CLDN15: variants seen among roughly 807,000 people sequenced by gnomAD.
CLDN15 encodes claudin 15.
A neutral mutation model predicts 24.5 loss-of-function variants in CLDN15; 9 were observed. The observed-to-expected ratio is 0.37, with a 90% CI of 0.22 to 0.64. The LOEUF (loss-of-function observed/expected upper bound fraction) is 0.64. Ranked by LOEUF, CLDN15 falls within the 30% of genes least tolerant of loss-of-function variation. CLDN15 has a pLI of 0.63. For missense variants in CLDN15, 248 were observed against 305.9 expected (o/e 0.81, Z 1.41); for synonymous variants, 149 against 131.4 (o/e 1.13, Z -0.92).
chr7:101,232,895 G>A lies in CLDN15; in HGVS notation c.402C>T (p.Ala134=). 6.2e-7 allele frequency: 1 copy of A among 1,613,218 alleles called. No homozygotes were observed. The highest frequency in any genetic ancestry group is 2.2e-5 in the East Asian group (1 of 44,866). Residue 134 remains alanine, a synonymous_variant, in exon 3 of 5, where the codon GCC becomes GCT. Coordinates refer to ENST00000308344, the MANE Select transcript of CLDN15 (RefSeq NM_014343.3). ...HILAGICGMV[A]ISWYAFNITR... ...TGATGTTGAAGGCGTACCAGGAGAT[G>A]GCCACCATCCCGCAGATACCTGGGG...
chr7:101,233,855 C>T (rs1375008191), intron 2 of CLDN15: 1 of 260,110 alleles, frequency 3.8e-6, no homozygotes, highest in African/African-American at 2.3e-5. Context: ...AACTCCTGAC[C>T]TCAAGTAATC....
Position 101,237,407 on chromosome 7 carries a change from C to T in CLDN15, c.175G>A (p.Val59Ile), listed in dbSNP as rs764451471. The T allele has an allele frequency of 2.9e-5, 46 of 1,613,282 alleles. No individual in the cohort carries two copies. Among genetic ancestry groups the T allele is most frequent in the East Asian group, 8.9e-5 (4 of 44,882 alleles). The change falls in exon 1 of 5, where the codon GTC becomes ATC. Residue 59 changes from valine (V) to isoleucine (I), a missense_variant. Physicochemically the swap from Val to Ile is conservative, Grantham distance 29. Coordinates refer to ENST00000308344, the MANE Select transcript of CLDN15 (RefSeq NM_014343.3). The surrounding 1 kb of genome is among the most constrained non-coding windows in gnomAD (Gnocchi z 4.0). The stretch of plus-strand genomic sequence containing the variant: ...GACGGGAACTCCCAGCAGTTGTAGA[C>T]GCCCAGGGAGTCGGTGGCACAGCTA... ...WFSCATDSLGVYNCWEFPSML... is the reference protein window; with the variant it reads ...WFSCATDSLGIYNCWEFPSML...
intron 1 of CLDN15, 61 bp from the exon 2 acceptor site, chr7:101,234,503 C>T: frequency 2.5e-6 from 3 of 1,213,706 alleles, no homozygotes; most frequent in South Asian, 1.3e-5. Flanking sequence ...GCCAGCCCAA[C>T]AGCCCCTCAC....
chr7:101,234,059 C>G (rs1468382758), intron 2 of CLDN15: 2 of 700,234 alleles, frequency 2.9e-6, no homozygotes, highest in African/African-American at 3.5e-5. Context: ...TGGCCGTGGC[C>G]AGCCCCTACT....
At position 101,237,574 on chromosome 7, in the gene CLDN15, A is replaced by C; in HGVS notation, c.8T>G (p.Met3Arg). Residue 3 changes from methionine to arginine, a missense_variant, in exon 1 of 5, where the codon ATG (methionine) becomes AGG (arginine). Transcript: ENST00000308344. The surrounding 1 kb of genome is among the most constrained non-coding windows in gnomAD (Gnocchi z 4.0). ...GAAGAAGCCAAAGGTTTCCACAGCC[A>C]TCGACATGGTGGGATGCAGGACCCT... is the stretch of plus-strand genomic sequence containing the variant. MSMAVETFGFFMA... is the reference protein window; with the variant it reads MSRAVETFGFFMA... 6.2e-7 allele frequency: 1 copy of C among 1,613,848 alleles called. No homozygotes were observed. Among genetic ancestry groups the C allele is most frequent in the Non-Finnish European group, 8.5e-7 (1 of 1,179,740 alleles).
intron 2 of CLDN15, 72 bp from the exon 3 acceptor site, chr7:101,232,986 C>A: frequency 9.4e-7 from 1 of 1,060,892 alleles, no homozygotes; most frequent in Non-Finnish European, 1.4e-6. Context: ...AGGGGAGAGG[C>A]AGGCAGGGGC....
intron 2 of CLDN15, chr7:101,233,968 C>A: frequency 1.8e-6 from 1 of 542,152 alleles, no homozygotes; most frequent in Non-Finnish European, 3.5e-6. Context: ...CCATAGCGTG[C>A]ACCCTAACTC....
At position 101,237,296 on chromosome 7, in the gene CLDN15, C is replaced by G. The variant is rs1475659576; in HGVS notation, c.217+69G>C. 2.0e-6 allele frequency: 2 copies of G among 1,025,312 alleles called. No individual in the cohort carries two copies. The highest frequency in any genetic ancestry group is 5.2e-5 in the East Asian group (2 of 38,510). 63.5% of individuals were successfully genotyped at this position (1,025,312 alleles called of 1,614,324 possible). ...GCTCCCTGCATCCTCACGGAAGTAC[C>G]CGCCCTCCCCTGGGGTCTCTGCAGC... On this transcript the variant is annotated intron_variant, in intron 1 of 4. Coordinates refer to ENST00000308344, the MANE Select transcript of CLDN15 (RefSeq NM_014343.3). This position sits in a 1 kb window ranked among gnomAD's most constrained non-coding sequence, Gnocchi z 4.0.
At chr7:101,237,878 C>T (rs1018855699), upstream of CLDN15, 14 of 425,784 alleles carry the variant, frequency 3.3e-5, no homozygotes, top group Middle Eastern at 1.4e-3. This position sits in a 1 kb window ranked among gnomAD's most constrained non-coding sequence, Gnocchi z 4.0. Flanking sequence ...CACCCCCTCC[C>T]CCCAGCCTCT....
chr7:101,233,921 G>A (rs917597834), intron 2 of CLDN15: 6 of 404,700 alleles, frequency 1.5e-5, no homozygotes, highest in Non-Finnish European at 2.9e-5. Flanking sequence ...ACCATGCCCC[G>A]TGGTATGGCA....
At chr7:101,235,255 G>A (rs1798600057) in intron 1 of CLDN15, among the ~76,000 whole-genome samples, 2 of 152,216 alleles carry the variant, frequency 1.3e-5, no homozygotes, top group African/African-American at 4.8e-5. Flanking sequence ...CTGTACAGCA[G>A]AGGGCCTAGG....
At chr7:101,236,249 A>T (rs1047458440) in intron 1 of CLDN15, among the ~76,000 whole-genome samples, 1 of 149,226 alleles carries the variant, frequency 6.7e-6, no homozygotes, top group Non-Finnish European at 1.5e-5. Context: ...CAGCTTTTAT[A>T]GGGTTTTTTT....
At chr7:101,234,610 A>G (rs1406645582) in intron 1 of CLDN15, among the ~76,000 whole-genome samples, 168 bp from the exon 2 acceptor site, 2 of 152,066 alleles carry the variant, frequency 1.3e-5, no homozygotes, top group Non-Finnish European at 2.9e-5. Context: ...TGTTTTTAGT[A>G]GAGACAGGGT....
intron 2 of CLDN15, among the ~76,000 whole-genome samples, chr7:101,233,610 AT>A (rs34812545): frequency 0.35 from 52,231 of 148,952 alleles, 9,930 homozygotes; most frequent in African/African-American, 0.52. Flanking sequence ...TGCCTTGGCC[AT>A]TTTTTTTTTG....
intron 2 of CLDN15, chr7:101,234,074 G>C (rs980872583): frequency 1.4e-6 from 1 of 706,956 alleles, no homozygotes; most frequent in African/African-American, 1.7e-5. Flanking sequence ...CCTACTGGGA[G>C]CTCAAGAAAC....
At chr7:101,232,978 G>T in intron 2 of CLDN15, 64 bp from the exon 3 acceptor site, 3 of 1,162,514 alleles carry the variant, frequency 2.6e-6, no homozygotes, top group East Asian at 4.8e-5. Context: ...GGGGGCTTAG[G>T]GGAGAGGCAG....
intron 1 of CLDN15, among the ~76,000 whole-genome samples, chr7:101,235,004 C>T (rs954080572): frequency 5.3e-5 from 8 of 152,266 alleles, no homozygotes; most frequent in African/African-American, 9.6e-5. Context: ...CCTCTACCCA[C>T]GGGGTGCCAG....
chr7:101,238,688 T>C (rs781219293), upstream of CLDN15: 1 of 152,280 alleles, frequency 6.6e-6, no homozygotes, highest in Non-Finnish European at 1.5e-5. Context: ...CTGGTCCTGC[T>C]GGCCAACAGC....
upstream of CLDN15, chr7:101,238,221 A>G (rs1256524522): frequency 6.4e-6 from 1 of 155,854 alleles, no homozygotes; most frequent in Non-Finnish European, 1.4e-5. Flanking sequence ...AAGGAAGATC[A>G]AGCTGGAATG....
Sources: gnomAD v4.1 joint callset for allele counts (sites outside exome capture counted in the v4.1 genomes callset) on GRCh38, gnomAD v4.1.1 for gene constraint, Gnocchi (gnomAD v3.1) non-coding constraint, MANE v1.5 for transcripts, NCBI Gene and HGNC (gene_info 2026-07-23, HGNC 2026-07-21) for gene names.